The following PADI4 variants were observed in gnomAD, a reference collection of about 807,000 sequenced individuals.
The protein encoded by PADI4 is protein-arginine deiminase type-4.
Under a neutral mutation model 75.0 loss-of-function variants are expected in PADI4, and 62 were observed. That is an observed-to-expected ratio of 0.83 (90% CI 0.67 to 1.02). The LOEUF (loss-of-function observed/expected upper bound fraction) is 1.02, where lower values mean the gene tolerates loss of function less well. PADI4 is among the 50% of genes least tolerant of loss of function. The pLI, the probability that PADI4 is intolerant of heterozygous loss-of-function variation, is 0.00. For missense variants in PADI4, 845 were observed against 850.5 expected, an observed-to-expected ratio of 0.99 and a Z score of 0.08; for synonymous variants, 361 against 348.1, an observed-to-expected ratio of 1.04 and a Z score of -0.41.
At chr1:17,345,244 G>A (rs1485864671) in intron 8 of PADI4, among the ~76,000 whole-genome samples, 1 of 152,192 alleles carries the variant, frequency 6.6e-6, no homozygotes, top group African/African-American at 2.4e-5. Flanking sequence ...TGGAATGGTT[G>A]TATTTACCCA....
intron 8 of PADI4, among the ~76,000 whole-genome samples, chr1:17,342,732 T>C (rs992480645): frequency 2.0e-4 from 31 of 152,146 alleles, no homozygotes; most frequent in Admixed American, 2.0e-3. Context: ...CCTAGCACTT[T>C]GGGAGGCTGA....
chr1:17,313,306 C>A (rs1176716877), intron 1 of PADI4, among the ~76,000 whole-genome samples: 1 of 151,604 alleles, frequency 6.6e-6, no homozygotes. Flanking sequence ...TCAAGACCAG[C>A]CTAGCCAACA....
chr1:17,352,043 GGC>G (rs1557576789), intron 10 of PADI4, among the ~76,000 whole-genome samples: 18 of 117,552 alleles, frequency 1.5e-4, no homozygotes, highest in African/African-American at 3.6e-4. Flanking sequence ...TGGGAGGAGA[GGC>G]AGTCAGGGAG....
chr1:17,346,211 TG>T lies in PADI4; in HGVS notation c.1047+76del. ...GAGACACTTGGGGGACCCGGGCTCC[TG>T]GGGTTCAGCCTGGTGCCTCACCGGC... On this transcript the variant is annotated intron_variant, in intron 9 of 15. Transcript: ENST00000375448. The surrounding 1 kb of genome is among the most constrained non-coding windows in gnomAD (Gnocchi z 4.3). 1 of 958,556 alleles carries T rather than the reference TG, an allele frequency of 1.0e-6. No homozygotes were observed. The highest frequency in any genetic ancestry group is 1.7e-6 in the Non-Finnish European group (1 of 603,916). 59.4% of individuals were successfully genotyped at this position (958,556 alleles called of 1,614,324 possible). A position where few individuals can be genotyped will look rare whatever the true frequency, so the allele number is the denominator to read the frequency against.
intron 1 of PADI4, among the ~76,000 whole-genome samples, chr1:17,310,036 G>A (rs1239729878): frequency 6.6e-6 from 1 of 152,174 alleles, no homozygotes; most frequent in East Asian, 1.9e-4. Context: ...TCCCAGAAAG[G>A]ATGGGGACTC....
intron 9 of PADI4, among the ~76,000 whole-genome samples, chr1:17,347,033 G>A (rs1162321372): frequency 6.6e-6 from 1 of 151,770 alleles, no homozygotes; most frequent in Non-Finnish European, 1.5e-5. Context: ...TGCCTCCCGG[G>A]TTCAAATGAT....
In PADI4 at chr1:17,318,799, C is replaced by A. The variant is rs562810837; in HGVS notation, c.92+10485C>A. ...CTCCCGGGTTCATGCCATTCTCTTG[C>A]CTCAGCCTCCCGAGTAGCTGGGACT... On this transcript the variant is annotated intron_variant, in intron 1 of 15. Transcript: ENST00000375448. 1.3e-4 allele frequency among the ~76,000 whole-genome samples: 20 copies of A among 151,712 alleles called. 1 individual carries two copies. The East Asian group carries it at 3.9e-3, about 29-fold the overall frequency.
chr1:17,334,633 A>T, intron 3 of PADI4: 2 of 455,840 alleles, frequency 4.4e-6, no homozygotes, highest in South Asian at 1.5e-5. Context: ...TCAAATATCT[A>T]TAACAAAAAG....
chr1:17,312,692 G>A (rs2073859140), intron 1 of PADI4, among the ~76,000 whole-genome samples: 1 of 152,124 alleles, frequency 6.6e-6, no homozygotes, highest in South Asian at 2.1e-4. Flanking sequence ...TTTGTTGCAG[G>A]TAAGCAGAGG....
At chr1:17,313,596 G>A (rs1006861074) in intron 1 of PADI4, among the ~76,000 whole-genome samples, 22 of 151,852 alleles carry the variant, frequency 1.4e-4, no homozygotes, top group African/African-American at 5.1e-4. Context: ...CCAGTTCCTA[G>A]CTTGACTTTC....
Position 17,356,395 on chromosome 1 carries a change from C to A in PADI4, c.1494C>A (p.Tyr498Ter). Residue 498 changes from tyrosine (Y) to a stop codon, truncating the protein, a stop_gained, in exon 13 of 16, where the codon TAC (tyrosine) becomes TAA (stop). Transcript: ENST00000375448. LOFTEE classifies it high-confidence loss of function. This position sits in a 1 kb window ranked among gnomAD's most constrained non-coding sequence, Gnocchi z 4.1. Reference protein sequence around the residue: ...RLLLASPRSCYKLFQEQQNEG... With the variant: ...RLLLASPRSC ...TCCTGGCCAGCCCCAGGTCCTGCTACAAACTGTTCCAGGAGCAGCAGAATG... is the reference window on the plus strand; with the variant it reads ...TCCTGGCCAGCCCCAGGTCCTGCTAAAAACTGTTCCAGGAGCAGCAGAATG... 6.2e-7 allele frequency: 1 copy of A among 1,613,582 alleles called. No homozygotes were observed. Among genetic ancestry groups the A allele is most frequent in the Non-Finnish European group, 8.5e-7 (1 of 1,179,716 alleles).
intron 10 of PADI4, among the ~76,000 whole-genome samples, chr1:17,354,255 AATG>A (rs1053120869): frequency 2.6e-5 from 4 of 152,038 alleles, no homozygotes; most frequent in African/African-American, 7.2e-5. Flanking sequence ...GGGGAAAAAA[AATG>A]ATGTTTTACA....
chr1:17,313,279 C>T (rs556414093), intron 1 of PADI4, among the ~76,000 whole-genome samples: 1 of 151,682 alleles, frequency 6.6e-6, no homozygotes, highest in African/African-American at 2.4e-5. Flanking sequence ...GTGGGCAGAT[C>T]ACTTGAGGTT....
intron 10 of PADI4, among the ~76,000 whole-genome samples, chr1:17,351,609 C>CAA (rs56047360): frequency 7.0e-4 from 68 of 97,800 alleles, no homozygotes; most frequent in Non-Finnish European, 9.1e-4. Context: ...GACCTGGTCT[C>CAA]AAAAAAAAAA....
At chr1:17,349,983 T>C (rs2074592326) in intron 10 of PADI4, among the ~76,000 whole-genome samples, 2 of 124,376 alleles carry the variant, frequency 1.6e-5, no homozygotes, top group African/African-American at 5.1e-5. Context: ...CGGGGCTGGC[T>C]GCTTCTCAGC....
In PADI4 at chr1:17,330,842, C is replaced by T. The variant is rs529243356; in HGVS notation, c.93-127C>T. ...ACAGATACACCCAGAAAAAATACTT[C>T]GCATCTTTCAGTCCAAACAAGCTGA... On this transcript the variant is annotated intron_variant, in intron 1 of 15. Transcript: ENST00000375448. 4.2e-5 allele frequency: 26 copies of T among 617,754 alleles called. 1 individual carries two copies. Among genetic ancestry groups the T allele is most frequent in the African/African-American group, 2.1e-4 (11 of 51,842 alleles). The allele number at this position is 617,754 out of a possible 1,614,324, so 38.3% of individuals were successfully genotyped here.
At chr1:17,308,454 G>A (rs2073712060) in intron 1 of PADI4, 140 bp downstream of exon 1, 2 of 672,900 alleles carry the variant, frequency 3.0e-6, no homozygotes, top group African/African-American at 1.8e-5. Context: ...TAGCTGGAGA[G>A]AGAAGACCCC....
chr1:17,332,774 G>T (rs1034067508), intron 2 of PADI4, among the ~76,000 whole-genome samples: 1 of 152,126 alleles, frequency 6.6e-6, no homozygotes, highest in African/African-American at 2.4e-5. Flanking sequence ...GCTTCTCCCT[G>T]GGGGAACACA....
rs138844766 is a variant in PADI4 at position 17,363,572 on chromosome 1, G to C, written c.1809G>C (p.Gly603=). The C allele has an allele frequency of 8.7e-6, 14 of 1,613,862 alleles. No homozygotes were observed. The highest frequency in any genetic ancestry group is 1.2e-5 in the Non-Finnish European group (14 of 1,179,936). The change falls in exon 16 of 16, where the codon GGG becomes GGC. Residue 603 remains glycine (G), a synonymous_variant. Transcript: ENST00000375448. ...ACCTGGGCATCCCCAAGCCCTTCGG[G>C]CCCGTCATCAACGGCCGCTGCTGCC... is the stretch of plus-strand genomic sequence containing the variant. ...GKHLGIPKPF[G]PVINGRCCLE...
Sources: allele counts gnomAD v4.1 joint callset (sites outside exome capture counted in the v4.1 genomes callset), GRCh38; gene constraint gnomAD v4.1.1; non-coding constraint Gnocchi (gnomAD v3.1); transcripts MANE v1.5; gene names NCBI Gene and HGNC (gene_info 2026-07-23, HGNC 2026-07-21).